NAV2: variants seen among roughly 807,000 people sequenced by gnomAD.
NAV2 encodes neuron navigator 2, also known as helicase, APC down-regulated 1.
Under a neutral mutation model 223.2 loss-of-function variants are expected in NAV2, and 54 were observed. The ratio of observed to expected loss-of-function variants is 0.24; its 90% confidence interval spans 0.19 to 0.30. The LOEUF (loss-of-function observed/expected upper bound fraction) is 0.30, where lower values mean the gene tolerates loss of function less well. Ranked by LOEUF, NAV2 falls within the 10% of genes least tolerant of loss-of-function variation. The probability of loss-of-function intolerance (pLI) is 1.00; values close to 1 mark genes in which losing one functional copy is unlikely to be tolerated. For synonymous variants in NAV2, 1,279 were observed against 1,239.3 expected (o/e 1.03, Z -0.67); for missense variants, 2,806 against 3,147.5 (o/e 0.89, Z 2.60).
intron 1 of NAV2, among the ~76,000 whole-genome samples, chr11:19,618,107 G>A (rs2046853582): frequency 6.6e-6 from 1 of 152,140 alleles, no homozygotes; most frequent in Non-Finnish European, 1.5e-5. Context: ...TAGACTATAA[G>A]ACCCATAAGG....
intron 6 of NAV2, among the ~76,000 whole-genome samples, chr11:19,903,370 A>T (rs2042605576): frequency 6.6e-6 from 1 of 152,122 alleles, no homozygotes; most frequent in African/African-American, 2.4e-5. Context: ...GTGTCCTAGG[A>T]GCTCCTGCCA....
chr11:19,580,736 C>T (rs1001419139), intron 1 of NAV2, among the ~76,000 whole-genome samples: 4 of 152,070 alleles, frequency 2.6e-5, no homozygotes, highest in African/African-American at 7.2e-5. Context: ...TGGGGAGTAC[C>T]GCATAGACCT....
At chr11:19,542,391 G>A (rs2044363821) in intron 1 of NAV2, among the ~76,000 whole-genome samples, 1 of 152,218 alleles carries the variant, frequency 6.6e-6, no homozygotes, top group Non-Finnish European at 1.5e-5. Flanking sequence ...GAGGGTTTAA[G>A]GAATTTGTTC....
intron 1 of NAV2, among the ~76,000 whole-genome samples, chr11:19,544,429 TAG>T (rs1565035060): frequency 6.6e-6 from 1 of 152,192 alleles, no homozygotes; most frequent in Non-Finnish European, 1.5e-5. Flanking sequence ...CCCCAGTTAG[TAG>T]AGTTTGGCAT....
chr11:20,047,313 T>C (rs1333670726), intron 14 of NAV2, among the ~76,000 whole-genome samples: 6 of 152,224 alleles, frequency 3.9e-5, no homozygotes, highest in Admixed American at 6.5e-5. Flanking sequence ...CAATTCCTGG[T>C]AAATTACATT....
At chr11:19,901,993 C>T (rs1278840453) in intron 6 of NAV2, among the ~76,000 whole-genome samples, 1 of 152,136 alleles carries the variant, frequency 6.6e-6, no homozygotes, top group African/African-American at 2.4e-5. Context: ...GTTGGCTCAC[C>T]TTGCCCTAGC....
At position 19,776,982 on chromosome 11, in the gene NAV2, T is replaced by C. The variant is rs545411353; in HGVS notation, c.268-55502T>C. 2.7e-3 allele frequency among the ~76,000 whole-genome samples: 413 copies of C among 152,000 alleles called. 1 individual carries two copies. The highest frequency in any genetic ancestry group is 9.6e-3 in the African/African-American group (400 of 41,510). ...TATCCTCCCACCAACTCCGACCATC[T>C]TTCCCCCTTCGCGCCCACCGGCGGC... On this transcript the variant is annotated intron_variant, in intron 1 of 37. Transcript: ENST00000349880.
At chr11:19,860,173 A>AT (rs2061655813) in intron 3 of NAV2, among the ~76,000 whole-genome samples, 8 of 108,300 alleles carry the variant, frequency 7.4e-5, no homozygotes, top group South Asian at 6.0e-4. Context: ...CGGGGGGCTG[A>AT]CCCCCCACCT....
rs74799612 is a variant in NAV2, at chr11:19,429,053, T to A, written c.75+78026T>A. On this transcript the variant is annotated intron_variant, in intron 1 of 37. Coordinates refer to the NAV2 transcript ENST00000360655. ...GAATGGGGAAGACCCTAAATGGACC[T>A]CCATCCTTTTCTACCCGATTGCACA... 4.6e-5 allele frequency among the ~76,000 whole-genome samples: 7 copies of A among 152,292 alleles called. No homozygotes were observed. In the East Asian group the frequency reaches 1.4e-3, roughly 29 times the overall value.
intron 3 of NAV2, among the ~76,000 whole-genome samples, chr11:19,844,821 TG>T (rs2060699604): frequency 2.0e-5 from 3 of 147,972 alleles, no homozygotes; most frequent in South Asian, 4.2e-4. Flanking sequence ...GTGAACTGTG[TG>T]TTTTTTTTTT....
chr11:19,505,435 G>C (rs145994769), intron 1 of NAV2: 1 of 152,332 alleles, frequency 6.6e-6, no homozygotes, highest in Admixed American at 6.5e-5. Flanking sequence ...AGAAAGAAGC[G>C]GAGATGGAAT....
At position 20,014,059 on chromosome 11, in the gene NAV2, T is replaced by C. The variant is rs114708157; in HGVS notation, c.2769-21900T>C. Among the ~76,000 whole-genome samples, 659 of 152,310 alleles carry C rather than the reference T, an allele frequency of 4.3e-3. 4 individuals carry two copies. The highest frequency in any genetic ancestry group is 0.015 in the African/African-American group (618 of 41,568). On this transcript the variant is annotated intron_variant, in intron 11 of 37. Transcript: ENST00000349880. The stretch of plus-strand genomic sequence containing the variant: ...CATGACCGGGGCCAGTGGGAAAACT[T>C]TGGGTGAAGGAAGTGGAGTGAGATC...
chr11:19,736,137 CTA>C (rs143324264), intron 1 of NAV2, among the ~76,000 whole-genome samples: 1,777 of 152,316 alleles, frequency 0.012, 26 homozygotes, highest in African/African-American at 0.042. Flanking sequence ...AGCAGTGACC[CTA>C]TATCTCACCC....
At chr11:19,726,070 G>A (rs1298858250) in intron 1 of NAV2, among the ~76,000 whole-genome samples, 1 of 152,216 alleles carries the variant, frequency 6.6e-6, no homozygotes, top group Non-Finnish European at 1.5e-5. Context: ...TTAGCATAAG[G>A]GCAGACAGGG....
intron 1 of NAV2, among the ~76,000 whole-genome samples, chr11:19,407,610 A>G (rs1849955044): frequency 6.7e-6 from 1 of 150,106 alleles, no homozygotes; most frequent in Admixed American, 6.6e-5. Flanking sequence ...TAGAGACTGG[A>G]GCCAGCCACT....
intron 19 of NAV2, among the ~76,000 whole-genome samples, chr11:20,060,947 G>A (rs1220581190): frequency 1.3e-5 from 2 of 152,216 alleles, no homozygotes; most frequent in African/African-American, 2.4e-5. Context: ...TATCTTGTTG[G>A]CATATAGCTT....
intron 7 of NAV2, among the ~76,000 whole-genome samples, chr11:19,936,892 C>A (rs2045954480): frequency 6.6e-6 from 1 of 152,130 alleles, no homozygotes; most frequent in Non-Finnish European, 1.5e-5. Flanking sequence ...AATCCCAGCA[C>A]TTTGGAAGGT....
At chr11:20,012,085 A>G (rs2053605093) in intron 11 of NAV2, among the ~76,000 whole-genome samples, 1 of 152,150 alleles carries the variant, frequency 6.6e-6, no homozygotes, top group African/African-American at 2.4e-5. Flanking sequence ...TACTTTTTCT[A>G]TCCGTACTCC....
intron 11 of NAV2, among the ~76,000 whole-genome samples, chr11:20,009,242 A>G (rs989826888): frequency 1.3e-5 from 2 of 152,164 alleles, no homozygotes; most frequent in Non-Finnish European, 2.9e-5. Flanking sequence ...GAGCTTACTT[A>G]CTCAAATTTG....
Sources: allele counts gnomAD v4.1 joint callset (sites outside exome capture counted in the v4.1 genomes callset), GRCh38; gene constraint gnomAD v4.1.1; transcripts MANE v1.5; gene names NCBI Gene and HGNC (gene_info 2026-07-23, HGNC 2026-07-21).